DAB1: variants seen among roughly 807,000 people sequenced by gnomAD.
DAB1 encodes the protein disabled homolog 1.
Under a neutral mutation model 64.6 loss-of-function variants are expected in DAB1, and 15 were observed. The ratio of observed to expected loss-of-function variants is 0.23; its 90% CI spans 0.16 to 0.36. The LOEUF is 0.36. Ranked by LOEUF, DAB1 falls within the 10% of genes least tolerant of loss-of-function variation. DAB1 has a pLI of 1.00. For missense variants in DAB1, 596 were observed against 706.7 expected (o/e 0.84, Z 1.78); for synonymous variants, 235 against 251.9 (o/e 0.93, Z 0.64).
At chr1:57,162,925 A>C (rs978080132) in intron 2 of DAB1, among the ~76,000 whole-genome samples, 9 of 152,252 alleles carry the variant, frequency 5.9e-5, no homozygotes, top group African/African-American at 2.2e-4. Flanking sequence ...AGAGGGTTTA[A>C]GTAGAATGTG....
intron 6 of DAB1, among the ~76,000 whole-genome samples, chr1:57,774,714 AT>A (rs1178824164): frequency 6.6e-6 from 1 of 151,688 alleles, no homozygotes; most frequent in Admixed American, 6.6e-5. Flanking sequence ...ATGTTGATTA[AT>A]TTTCAAATTA....
intron 9 of DAB1, among the ~76,000 whole-genome samples, chr1:57,029,500 G>C (rs1455715176): frequency 1.3e-5 from 2 of 152,122 alleles, no homozygotes; most frequent in Non-Finnish European, 2.9e-5. Context: ...ACCCAGGAAT[G>C]GTAGATCCAC....
chr1:57,422,556 C>T (rs1483627572), intron 1 of DAB1, among the ~76,000 whole-genome samples: 1 of 152,044 alleles, frequency 6.6e-6, no homozygotes, highest in Non-Finnish European at 1.5e-5. Context: ...CCGGAGCGCA[C>T]AGATGCCCGC....
chr1:57,061,572 G>A (rs963005605), intron 9 of DAB1, among the ~76,000 whole-genome samples: 36 of 152,202 alleles, frequency 2.4e-4, no homozygotes, highest in African/African-American at 8.7e-4. Flanking sequence ...GCCTCACTTT[G>A]AGCTGGAATT....
Position 57,552,389 on chromosome 1 carries a change from G to A in DAB1, n.625+97203C>T, listed in dbSNP as rs530023089. On this transcript the variant is annotated intron_variant and non_coding_transcript_variant, in intron 7 of 20. Coordinates refer to the DAB1 transcript ENST00000485760. ...AATTAACTCACTGTCCAGGACAGCC[G>A]GCAAGAAGAGAAAGAATTATAATTC... is the stretch of plus-strand genomic sequence containing the variant. Among the ~76,000 whole-genome samples, 7 of 152,242 alleles carry A rather than the reference G, an allele frequency of 4.6e-5. 1 individual carries two copies. Among genetic ancestry groups the A allele is most frequent in the South Asian group, 2.1e-4 (1 of 4,812 alleles).
At chr1:58,269,395 T>A (rs1661258325) in intron 4 of DAB1, among the ~76,000 whole-genome samples, 1 of 150,234 alleles carries the variant, frequency 6.7e-6, no homozygotes. Flanking sequence ...GTGCCACATT[T>A]TCTTAATCCA....
At chr1:58,096,288 C>T (rs1010577916) in intron 5 of DAB1, among the ~76,000 whole-genome samples, 5 of 152,324 alleles carry the variant, frequency 3.3e-5, no homozygotes, top group Non-Finnish European at 7.3e-5. Context: ...GGTTTACTAT[C>T]ATACTATGAT....
intron 6 of DAB1, among the ~76,000 whole-genome samples, chr1:57,732,098 C>G (rs979954129): frequency 2.0e-5 from 3 of 152,128 alleles, no homozygotes; most frequent in Non-Finnish European, 4.4e-5. Flanking sequence ...AGAATAAAGG[C>G]ACACATAACA....
At chr1:57,261,180 T>G (rs1422843832) in intron 2 of DAB1, among the ~76,000 whole-genome samples, 1 of 152,078 alleles carries the variant, frequency 6.6e-6, no homozygotes, top group African/African-American at 2.4e-5. Flanking sequence ...CCACCCCACC[T>G]GCCACCCCAA....
intron 7 of DAB1, among the ~76,000 whole-genome samples, chr1:57,560,317 T>C (rs754141108): frequency 6.6e-5 from 10 of 152,244 alleles, no homozygotes; most frequent in Non-Finnish European, 1.3e-4. Context: ...ATTATGCTGA[T>C]TGGATCCAGT....
intron 6 of DAB1, among the ~76,000 whole-genome samples, chr1:57,789,929 G>T (rs1441722047): frequency 6.6e-6 from 1 of 152,156 alleles, no homozygotes; most frequent in South Asian, 2.1e-4. Context: ...AGGTCGAGCA[G>T]TGTAGAGTGT....
chr1:58,504,275 C>G (rs1645952109), intron 3 of DAB1, among the ~76,000 whole-genome samples: 1 of 152,202 alleles, frequency 6.6e-6, no homozygotes. Context: ...TTCCCTTACT[C>G]CATTCAGCCC....
intron 5 of DAB1, among the ~76,000 whole-genome samples, chr1:58,078,394 T>C (rs1202308948): frequency 1.3e-5 from 2 of 152,210 alleles, no homozygotes; most frequent in East Asian, 3.8e-4. Flanking sequence ...CCTCATAGTG[T>C]CAAAGTGAGG....
At chr1:58,299,301 T>C (rs1481048079) in intron 4 of DAB1, among the ~76,000 whole-genome samples, 1 of 152,212 alleles carries the variant, frequency 6.6e-6, no homozygotes, top group Non-Finnish European at 1.5e-5. Context: ...AAAGAGTATG[T>C]CCTTCCCACA....
chr1:57,293,744 T>A (rs1007455446), intron 1 of DAB1, among the ~76,000 whole-genome samples: 1 of 149,216 alleles, frequency 6.7e-6, no homozygotes, highest in African/African-American at 2.5e-5. Flanking sequence ...CTGAAATATA[T>A]GGATTTTACA....
intron 5 of DAB1, among the ~76,000 whole-genome samples, chr1:57,922,911 A>T (rs1644830331): frequency 6.6e-6 from 1 of 150,440 alleles, no homozygotes; most frequent in South Asian, 2.1e-4. Flanking sequence ...TTATATTCTT[A>T]ATCTCTTTTT....
chr1:57,332,184 G>C (rs1676727533), intron 1 of DAB1, among the ~76,000 whole-genome samples: 1 of 152,002 alleles, frequency 6.6e-6, no homozygotes, highest in Non-Finnish European at 1.5e-5. Flanking sequence ...GGTGGGTCTT[G>C]AACTCCTGAC....
intron 5 of DAB1, among the ~76,000 whole-genome samples, chr1:57,975,304 G>C (rs537243447): frequency 6.6e-6 from 1 of 152,280 alleles, no homozygotes; most frequent in African/African-American, 2.4e-5. Context: ...TATTACAGTA[G>C]CCTGAACTCA....
At chr1:57,574,225 C>T (rs1645223636) in intron 7 of DAB1, among the ~76,000 whole-genome samples, 1 of 152,084 alleles carries the variant, frequency 6.6e-6, no homozygotes. Flanking sequence ...TTTGTTTCAC[C>T]ATGACCTAAC....
Sources: gnomAD v4.1 joint callset for allele counts (sites outside exome capture counted in the v4.1 genomes callset) on GRCh38, gnomAD v4.1.1 for gene constraint, MANE v1.5 for transcripts, NCBI Gene and HGNC (gene_info 2026-07-23, HGNC 2026-07-21) for gene names.